The following BCLAF1 variants were observed in gnomAD, a reference collection of about 807,000 sequenced individuals.
BCLAF1 encodes the protein bcl-2-associated transcription factor 1.
In BCLAF1, 10 loss-of-function variants were observed where a neutral mutation model predicts 99.5. The ratio of observed to expected loss-of-function variants is 0.10; its 90% confidence interval spans 0.06 to 0.17. The LOEUF is 0.17. Ranked by LOEUF, BCLAF1 falls within the 10% of genes least tolerant of loss-of-function variation. BCLAF1 has a pLI of 1.00. For missense variants in BCLAF1, 636 were observed against 1,105.8 expected, an observed-to-expected ratio of 0.58 and a Z score of 6.02; for synonymous variants, 255 against 370.9, an observed-to-expected ratio of 0.69 and a Z score of 3.59.
chr6:136,280,967 C>T (rs781251240), intron 2 of BCLAF1, among the ~76,000 whole-genome samples: 13 of 152,108 alleles, frequency 8.5e-5, no homozygotes, highest in Non-Finnish European at 1.5e-4. Flanking sequence ...TCTCCTACAA[C>T]CAAGTATTTT....
At position 136,275,793 on chromosome 6, in the gene BCLAF1, G is replaced by C. The variant is rs1391762885; in HGVS notation, c.1682+50C>G. The C allele has an allele frequency of 1.9e-6, 3 of 1,578,436 alleles. No individual in the cohort carries two copies. In the East Asian group the frequency reaches 6.7e-5, roughly 35 times the overall value. ...TTCAGAAAGTTTAAGATAATTAACT[G>C]GAATACTGACTGCCCACAGATTATT... On this transcript the variant is annotated intron_variant, in intron 5 of 12. Transcript: ENST00000531224.
intron 6 of BCLAF1, among the ~76,000 whole-genome samples, chr6:136,274,421 G>C (rs1782970412): frequency 6.7e-6 from 1 of 149,264 alleles, no homozygotes; most frequent in Non-Finnish European, 1.5e-5. Flanking sequence ...AAAAAAAAAA[G>C]AATGTTTCAT....
chr6:136,273,214 G>C (rs777932882), intron 6 of BCLAF1, 27 bp from the exon 7 acceptor site: 10 of 1,580,958 alleles, frequency 6.3e-6, no homozygotes, highest in Non-Finnish European at 8.7e-6. Flanking sequence ...AATACTGTCC[G>C]ATTAGTTAAC....
chr6:136,258,579 AC>A lies in BCLAF1; in HGVS notation c.*2530del, dbSNP rs1780617050. ...TGAAATAGACACAGGTAAACAAACAACAGCAGTTATTACTTGTGACATTTTA... is the reference window on the plus strand; with the variant it reads ...TGAAATAGACACAGGTAAACAAACAAAGCAGTTATTACTTGTGACATTTTA... On this transcript the variant is annotated 3_prime_UTR_variant, in exon 13 of 13. Transcript: ENST00000531224. 1 of 152,536 alleles carries A rather than the reference AC, an allele frequency of 6.6e-6. No individual in the cohort carries two copies. Among genetic ancestry groups the A allele is most frequent in the African/African-American group, 2.4e-5 (1 of 41,450 alleles). The allele number at this position is 152,536 out of a possible 1,614,324, so 9.4% of individuals were successfully genotyped here.
Position 136,259,728 on chromosome 6 carries a change from A to G in BCLAF1, c.*1382T>C, listed in dbSNP as rs1780743479. 6.6e-6 allele frequency: 1 copy of G among 152,066 alleles called. No individual in the cohort carries two copies. Among genetic ancestry groups the G allele is most frequent in the Non-Finnish European group, 1.5e-5 (1 of 67,922 alleles). 9.4% of individuals were successfully genotyped at this position (152,066 alleles called of 1,614,324 possible). A position where few individuals can be genotyped will look rare whatever the true frequency, so the allele number is the denominator to read the frequency against. On this transcript the variant is annotated 3_prime_UTR_variant, in exon 13 of 13. Coordinates refer to ENST00000531224, the MANE Select transcript of BCLAF1 (RefSeq NM_014739.3). ...TCCTCGAAAGTGTTTAAGATGAAAG[A>G]GCAATACACTTAAGATCTTCAAAAG...
chr6:136,268,359 A>C lies in BCLAF1; in HGVS notation c.2220-20T>G, dbSNP rs573567222. The C allele has an allele frequency of 6.4e-7, 1 of 1,572,542 alleles. No individual in the cohort carries two copies. On this transcript the variant is annotated intron_variant, in intron 9 of 12. Transcript: ENST00000531224. ...TGTTTACTGCAAAATAAAGAAAACAAAAAATGTGATACTTTTAAAAAGATA... is the reference window on the plus strand; with the variant it reads ...TGTTTACTGCAAAATAAAGAAAACACAAAATGTGATACTTTTAAAAAGATA...
chr6:136,275,294 C>G (rs1783123897), intron 6 of BCLAF1, among the ~76,000 whole-genome samples: 1 of 152,084 alleles, frequency 6.6e-6, no homozygotes, highest in South Asian at 2.1e-4. Context: ...TACCATGATA[C>G]AGATTTTTAG....
At chr6:136,288,173 C>T (rs893277313) in intron 1 of BCLAF1, among the ~76,000 whole-genome samples, 4 of 152,206 alleles carry the variant, frequency 2.6e-5, no homozygotes, top group African/African-American at 9.6e-5. Context: ...CTGAATTAAA[C>T]AAGATATTTC....
intron 7 of BCLAF1, 144 bp downstream of exon 7, chr6:136,272,938 G>A: frequency 1.9e-6 from 1 of 533,134 alleles, no homozygotes; most frequent in South Asian, 3.4e-5. Context: ...GAATTTTCAA[G>A]ACTTTGAAAT....
chr6:136,267,320 CA>C, intron 10 of BCLAF1, 145 bp from the exon 11 acceptor site: 1 of 973,470 alleles, frequency 1.0e-6, no homozygotes, highest in Non-Finnish European at 1.5e-6. Flanking sequence ...AAAGGATGGC[CA>C]TTTTATATCA....
At chr6:136,287,331 TAA>T (rs1785284061) in intron 1 of BCLAF1, among the ~76,000 whole-genome samples, 1 of 151,998 alleles carries the variant, frequency 6.6e-6, no homozygotes. Context: ...TAAATAAAAT[TAA>T]AGTGTTTGAA....
chr6:136,268,352 G>C lies in BCLAF1; in HGVS notation c.2220-13C>G, dbSNP rs371421029. The stretch of plus-strand genomic sequence containing the variant: ...TCTTTTATGTTTACTGCAAAATAAA[G>C]AAAACAAAAAATGTGATACTTTTAA... On this transcript the variant is annotated splice_polypyrimidine_tract_variant and intron_variant, in intron 9 of 12. Transcript: ENST00000531224. 3.8e-6 allele frequency: 6 copies of C among 1,577,716 alleles called. No homozygotes were observed. Among genetic ancestry groups the C allele is most frequent in the Non-Finnish European group, 5.1e-6 (6 of 1,165,946 alleles).
intron 3 of BCLAF1, chr6:136,279,450 T>G: frequency 5.7e-6 from 1 of 174,276 alleles, no homozygotes; most frequent in Non-Finnish European, 1.2e-5. Context: ...TTGTTTACTG[T>G]CAAATTCTTG....
At position 136,268,171 on chromosome 6, in the gene BCLAF1, T is replaced by A; in HGVS notation, c.2388A>T (p.Arg796=). 1 of 1,529,358 alleles carries A rather than the reference T, an allele frequency of 6.5e-7. No individual in the cohort carries two copies. Among genetic ancestry groups the A allele is most frequent in the Non-Finnish European group, 8.7e-7 (1 of 1,144,122 alleles). 94.7% of individuals were successfully genotyped at this position (1,529,358 alleles called of 1,614,324 possible). A position where few individuals can be genotyped will look rare whatever the true frequency, so the allele number is the denominator to read the frequency against. ...TAATTTTTTCACTTACAAAGGTTCC[T>A]CGTGGTCGGCTAACTCCTGCAAAGC... ...YSGFAGVSRP[R]GTFFRIRGRG... is the part of the protein sequence containing the mutation. The change falls in exon 10 of 13, where the codon CGA becomes CGT. Residue 796 remains arginine, a synonymous_variant. Coordinates refer to ENST00000531224, the MANE Select transcript of BCLAF1 (RefSeq NM_014739.3).
rs1233615640 is a variant in BCLAF1, at chr6:136,276,455, T to A, written c.1070A>T (p.Asp357Val). Residue 357 changes from aspartate (D) to valine (V), a missense_variant, in exon 5 of 13, where the codon GAT (aspartate) becomes GTT (valine). By Grantham distance (152) the Asp-to-Val change is radical. This residue lies in a region of BCLAF1 where 186 missense variants were observed against 275.3 expected (regional missense o/e 0.68). Coordinates refer to ENST00000531224, the MANE Select transcript of BCLAF1 (RefSeq NM_014739.3). ...TCCTTTCTCTTTTGAAGCCTCTTTA[T>A]CCCTGGTATTACCCCTATCAAGCAG... ...VFLLDRGNTR[D>V]KEASKEKGSE... The A allele has an allele frequency of 1.3e-6, 2 of 1,538,886 alleles. No individual in the cohort carries two copies. Among genetic ancestry groups the A allele is most frequent in the South Asian group, 1.3e-5 (1 of 76,958 alleles).
intron 4 of BCLAF1, 85 bp downstream of exon 4, chr6:136,277,780 A>G: frequency 6.9e-7 from 1 of 1,453,754 alleles, no homozygotes; most frequent in Non-Finnish European, 9.1e-7. Context: ...TTAAATACAT[A>G]TCACAATTTT....
intron 6 of BCLAF1, chr6:136,274,105 C>CA: frequency 7.8e-7 from 1 of 1,288,490 alleles, no homozygotes; most frequent in Non-Finnish European, 1.0e-6. Flanking sequence ...GCCAGGAAGA[C>CA]AGAAGATTCA....
chr6:136,269,502 A>G lies in BCLAF1; in HGVS notation c.2154T>C (p.Ser718=). 1 of 1,612,024 alleles carries G rather than the reference A, an allele frequency of 6.2e-7. No individual in the cohort carries two copies. Among genetic ancestry groups the G allele is most frequent in the Non-Finnish European group, 8.5e-7 (1 of 1,178,894 alleles). ...GAGTTTTTTCCTGCTTTCTTGATCC[A>G]CTGGATTCCCTGGAGCCCTTGGAAT... is the stretch of plus-strand genomic sequence containing the variant. The part of the protein sequence containing the change: ...RGDSKGSRES[S]GSRKQEKTPK... The change falls in exon 9 of 13, where the codon AGT becomes AGC. Residue 718 remains serine, a synonymous_variant. Transcript: ENST00000531224.
At chr6:136,286,822 G>C (rs1360594626) in intron 1 of BCLAF1, among the ~76,000 whole-genome samples, 1 of 152,162 alleles carries the variant, frequency 6.6e-6, no homozygotes, top group East Asian at 1.9e-4. Flanking sequence ...ATAAAAATTA[G>C]ACGGGCGTGG....
Sources: allele counts gnomAD v4.1 joint callset (sites outside exome capture counted in the v4.1 genomes callset), GRCh38; gene constraint gnomAD v4.1.1; regional missense constraint gnomAD v4.1.1; transcripts MANE v1.5; gene names NCBI Gene and HGNC (gene_info 2026-07-23, HGNC 2026-07-21).